The following PLXND1 variants were observed in gnomAD, a reference collection of about 807,000 sequenced individuals.
PLXND1 encodes the protein plexin-D1.
In PLXND1, 54 loss-of-function variants were observed where a neutral mutation model predicts 197.7. The ratio of observed to expected loss-of-function variants is 0.27; its 90% CI spans 0.22 to 0.34. PLXND1 has a LOEUF of 0.34. Among genes scored for constraint, PLXND1 ranks in the 10% least tolerant of loss-of-function variants. The probability of loss-of-function intolerance (pLI) is 1.00; values close to 1 mark genes in which losing one functional copy is unlikely to be tolerated. For synonymous variants in PLXND1, 1,180 were observed against 1,161.2 expected (o/e 1.02, Z -0.33); for missense variants, 2,127 against 2,699.2 (o/e 0.79, Z 4.70).
Position 129,560,755 on chromosome 3 carries a change from G to GGGAGA in PLXND1, c.4994-37_4994-33dup, listed in dbSNP as rs769881331. The stretch of plus-strand genomic sequence containing the variant: ...GAGGAAAAACACAATAAATAAACAC[G>GGGAGA]GGAGAGGAGAGGAGAGAAACAGAAA... On this transcript the variant is annotated intron_variant, in intron 29 of 35. Coordinates refer to ENST00000324093, the MANE Select transcript of PLXND1 (RefSeq NM_015103.3). The GGGAGA allele has an allele frequency of 7.0e-6, 9 of 1,282,744 alleles. No individual in the cohort carries two copies. In the East Asian group the frequency reaches 1.6e-4, roughly 23 times the overall value. The allele number at this position is 1,282,744 out of a possible 1,614,324, so 79.5% of individuals were successfully genotyped here. A position where few individuals can be genotyped will look rare whatever the true frequency, so the allele number is the denominator to read the frequency against.
Position 129,572,623 on chromosome 3 carries a change from G to A in PLXND1, c.3063C>T (p.Pro1021=), listed in dbSNP as rs1247810079. 6 of 1,567,246 alleles carry A rather than the reference G, an allele frequency of 3.8e-6. No homozygotes were observed. Among genetic ancestry groups the A allele is most frequent in the Non-Finnish European group, 5.2e-6 (6 of 1,156,796 alleles). The part of the protein sequence containing the change: ...ELQVLVNDTD[P]CTELMRTDTS... ...CAGAGGCTTACATCAGCTCCGTGCAGGGGTCTGTGTCGTTCACCAGGACCT... is the reference window on the plus strand; with the variant it reads ...CAGAGGCTTACATCAGCTCCGTGCAAGGGTCTGTGTCGTTCACCAGGACCT... The change falls in exon 15 of 36, where the codon CCC becomes CCT. Residue 1021 remains proline, a synonymous_variant. Coordinates refer to ENST00000324093, the MANE Select transcript of PLXND1 (RefSeq NM_015103.3).
At chr3:129,596,373 A>G (rs1216302082) in intron 1 of PLXND1, among the ~76,000 whole-genome samples, 2 of 152,128 alleles carry the variant, frequency 1.3e-5, no homozygotes, top group African/African-American at 2.4e-5. Flanking sequence ...TCAAGCAGCC[A>G]TTGTTTAGTT....
At position 129,583,645 on chromosome 3, in the gene PLXND1, C is replaced by T; in HGVS notation, c.2163G>A (p.Gln721=). ...GCTGGCTGCACCAGAAACAGGGCCA[C>T]TGTGCCGACAGGCAGCTGGTACAGC... ...HTACTSCLSA[Q]WPCFWCSQQH... The change falls in exon 8 of 36, where the codon CAG becomes CAA. Residue 721 remains glutamine, a synonymous_variant. Coordinates refer to ENST00000324093, the MANE Select transcript of PLXND1 (RefSeq NM_015103.3). 1 of 1,613,568 alleles carries T rather than the reference C, an allele frequency of 6.2e-7. No homozygotes were observed. The highest frequency in any genetic ancestry group is 8.5e-7 in the Non-Finnish European group (1 of 1,179,844).
At chr3:129,595,115 G>A (rs759028043) in intron 1 of PLXND1, among the ~76,000 whole-genome samples, 1 of 147,412 alleles carries the variant, frequency 6.8e-6, no homozygotes, top group Admixed American at 6.6e-5. Flanking sequence ...CATGTGGCAC[G>A]GGCTCAGTGG....
chr3:129,591,657 T>G (rs1032634418), intron 1 of PLXND1: 5 of 152,194 alleles, frequency 3.3e-5, no homozygotes, highest in Admixed American at 1.3e-4. Context: ...ATGTTATTAT[T>G]ATGAAGTAAA....
intron 27 of PLXND1, 102 bp downstream of exon 27, chr3:129,562,685 T>A (rs561021937): frequency 8.0e-6 from 9 of 1,125,460 alleles, no homozygotes; most frequent in African/African-American, 7.8e-5. Flanking sequence ...TGTCCCCACA[T>A]TCATGCACCC....
intron 8 of PLXND1, among the ~76,000 whole-genome samples, chr3:129,581,316 C>A (rs2625995): frequency 0.2 from 31,110 of 152,188 alleles, 3,382 homozygotes; most frequent in East Asian, 0.38. Context: ...CTCAGACAGG[C>A]TTCCTCTGTG....
chr3:129,588,191 G>A (rs2085487913), intron 2 of PLXND1, among the ~76,000 whole-genome samples: 1 of 152,234 alleles, frequency 6.6e-6, no homozygotes, highest in Admixed American at 6.5e-5. Flanking sequence ...CTCCTGCTGT[G>A]CGACTCTGGG....
Position 129,571,757 on chromosome 3 carries a change from G to GC in PLXND1, c.3164dup (p.Cys1056LeufsTer37). On this transcript the variant is annotated frameshift_variant, in exon 16 of 36. Transcript: ENST00000324093. LOFTEE classifies it high-confidence loss of function. ...AGAAGGTGAGGTTGCCGTGCACGCAGCCCCGACGCTCGAAGCGCACACACA... is the reference window on the plus strand; with the variant it reads ...AGAAGGTGAGGTTGCCGTGCACGCAGCCCCCGACGCTCGAAGCGCACACACA... The GC allele has an allele frequency of 6.2e-7, 1 of 1,613,334 alleles. No individual in the cohort carries two copies. Among genetic ancestry groups the GC allele is most frequent in the Non-Finnish European group, 8.5e-7 (1 of 1,179,902 alleles).
intron 8 of PLXND1, among the ~76,000 whole-genome samples, chr3:129,581,369 G>T (rs1332282755): frequency 6.6e-6 from 1 of 152,164 alleles, no homozygotes; most frequent in Non-Finnish European, 1.5e-5. Flanking sequence ...AGACCTGGGG[G>T]ACAGCCATCT....
At chr3:129,568,264 C>T (rs920447856) in intron 20 of PLXND1, among the ~76,000 whole-genome samples, 5 of 151,960 alleles carry the variant, frequency 3.3e-5, no homozygotes, top group Non-Finnish European at 2.9e-5. Flanking sequence ...AAGCAGATTA[C>T]AAAGCAATAT....
At chr3:129,574,827 G>A (rs1292744656) in intron 11 of PLXND1, among the ~76,000 whole-genome samples, 2 of 152,192 alleles carry the variant, frequency 1.3e-5, no homozygotes, top group Non-Finnish European at 2.9e-5. Flanking sequence ...GAGGCCTGTG[G>A]GTGGTAAAGC....
Position 129,571,531 on chromosome 3 carries a change from T to TG in PLXND1, c.3313dup (p.His1105ProfsTer50). The TG allele has an allele frequency of 6.2e-7, 1 of 1,613,576 alleles. No homozygotes were observed. The highest frequency in any genetic ancestry group is 8.5e-7 in the Non-Finnish European group (1 of 1,179,946). ...CACCGTGGGCTCCCGGCCAATGTGG[T>TG]GGACGGCCATGGACACATTCTGCAC... On this transcript the variant is annotated frameshift_variant, in exon 17 of 36. Transcript: ENST00000324093. LOFTEE classifies it high-confidence loss of function.
At chr3:129,598,001 G>C (rs1356492808) in intron 1 of PLXND1, among the ~76,000 whole-genome samples, 1 of 152,144 alleles carries the variant, frequency 6.6e-6, no homozygotes, top group African/African-American at 2.4e-5. Flanking sequence ...ACCTGGCAGG[G>C]CCAATACAGA....
chr3:129,606,244 G>A lies in PLXND1; in HGVS notation c.396C>T (p.Pro132=). The A allele has an allele frequency of 6.4e-7, 1 of 1,573,452 alleles. No homozygotes were observed. The highest frequency in any genetic ancestry group is 8.6e-7 in the Non-Finnish European group (1 of 1,165,062). ...CGCACACGACTACCAGGCCCTGGCC[G>A]GGGTCCAGCTGCAGGATCTTGTTGT... is the stretch of plus-strand genomic sequence containing the variant. ...DNYNKILQLD[P]GQGLVVVCGS... Residue 132 remains proline (P), a synonymous_variant, in exon 1 of 36, where the codon CCC becomes CCT. Coordinates refer to ENST00000324093, the MANE Select transcript of PLXND1 (RefSeq NM_015103.3).
intron 17 of PLXND1, 39 bp from the exon 18 acceptor site, chr3:129,571,342 G>T: frequency 6.3e-7 from 1 of 1,594,286 alleles, no homozygotes; most frequent in Non-Finnish European, 8.6e-7. Context: ...CGGGATGCAG[G>T]ATGGACAGAT....
At chr3:129,559,887 G>A in intron 31 of PLXND1, 104 bp from the exon 32 acceptor site, 2 of 1,016,554 alleles carry the variant, frequency 2.0e-6, no homozygotes, top group Admixed American at 2.5e-5. Context: ...GCTGCTGAAT[G>A]AGGAAGCCAC....
rs776222607 is a variant in PLXND1, at chr3:129,569,853, G to C, written c.3855C>G (p.Leu1285=). 3 of 1,594,026 alleles carry C rather than the reference G, an allele frequency of 1.9e-6. No individual in the cohort carries two copies. The South Asian group carries it at 3.3e-5, about 18-fold the overall frequency. Residue 1285 remains leucine (L), a synonymous_variant, in exon 20 of 36, where the codon CTC becomes CTG. Coordinates refer to ENST00000324093, the MANE Select transcript of PLXND1 (RefSeq NM_015103.3). ...SIVICSVLLL[L]SVVALFVFCT... is the part of the protein sequence containing the mutation. ...GGTGGGGCTCCTTACCCACCACGGA[G>C]AGCAGCAGCAGGACGCTGCAGATGA...
In PLXND1 at chr3:129,605,659, G is replaced by T; in HGVS notation, c.981C>A (p.Ala327=). 6.5e-7 allele frequency: 1 copy of T among 1,536,870 alleles called. No homozygotes were observed. Residue 327 remains alanine, a synonymous_variant, in exon 1 of 36, where the codon GCC becomes GCA. Coordinates refer to ENST00000324093, the MANE Select transcript of PLXND1 (RefSeq NM_015103.3). Reference sequence around the variant, plus strand: ...CGGTGAGCTTCTTGGCGTCGCCGCCGGCGCCGTGGGGCAGGCAGATGCGCG... The same window carrying T: ...CGGTGAGCTTCTTGGCGTCGCCGCCTGCGCCGTGGGGCAGGCAGATGCGCG... ...LLARICLPHG[A]GGDAKKLTES...
Sources: allele counts gnomAD v4.1 joint callset (sites outside exome capture counted in the v4.1 genomes callset), GRCh38; gene constraint gnomAD v4.1.1; transcripts MANE v1.5; gene names NCBI Gene and HGNC (gene_info 2026-07-23, HGNC 2026-07-21).